Variants in ABCA9 observed in about 807,000 individuals in gnomAD.
ABCA9 encodes ATP-binding cassette sub-family A member 9.
ABCA9 carries 183 observed loss-of-function variants against 205.3 expected under a neutral mutation model. That is an observed-to-expected ratio of 0.89 (90% CI 0.79 to 1.01). The LOEUF (loss-of-function observed/expected upper bound fraction) is 1.01, where lower values mean the gene tolerates loss of function less well. Ranked by LOEUF, ABCA9 falls within the 50% of genes least tolerant of loss-of-function variation. ABCA9 has a pLI of 0.00. For synonymous variants in ABCA9, 651 were observed against 683.3 expected, an observed-to-expected ratio of 0.95 and a Z score of 0.74; for missense variants, 1,805 against 1,912.4, an observed-to-expected ratio of 0.94 and a Z score of 1.05.
rs572581251 is a variant in ABCA9, at chr17:68,984,164, C to G, written c.4391G>C (p.Arg1464Pro). 6.2e-7 allele frequency: 1 copy of G among 1,613,978 alleles called. No homozygotes were observed. Among genetic ancestry groups the G allele is most frequent in the Non-Finnish European group, 8.5e-7 (1 of 1,179,960 alleles). Residue 1464 changes from arginine (R) to proline (P), a missense_variant, in exon 35 of 39, where the codon CGG becomes CCG. Transcript: ENST00000340001. ...EGQQQMWQVI[R>P]ATFRNTERGA... ...CCTCTCCGTGTTTCTAAAGGTGGCCCGAATCACCTGCCTAAAGTTAAGTCA... is the reference window on the plus strand; with the variant it reads ...CCTCTCCGTGTTTCTAAAGGTGGCCGGAATCACCTGCCTAAAGTTAAGTCA...
At chr17:68,999,773 T>G (rs1193098711) in intron 25 of ABCA9, among the ~76,000 whole-genome samples, 1 of 152,104 alleles carries the variant, frequency 6.6e-6, no homozygotes, top group African/African-American at 2.4e-5. Context: ...TTTCTCCACA[T>G]CCTCTCCAGC....
rs1212072939 is a variant in ABCA9, at chr17:69,032,154, A to C, written c.1399T>G (p.Cys467Gly). 1 of 1,613,676 alleles carries C rather than the reference A, an allele frequency of 6.2e-7. No individual in the cohort carries two copies. Among genetic ancestry groups the C allele is most frequent in the African/African-American group, 1.3e-5 (1 of 74,928 alleles). Residue 467 changes from cysteine (C) to glycine (G), a missense_variant, in exon 10 of 39, where the codon TGT (cysteine) becomes GGT (glycine). Physicochemically the swap from Cys to Gly is radical, Grantham distance 159 (BLOSUM62 -3). Transcript: ENST00000340001. Reference protein sequence around the residue: ...ETDSDPTPNDCFEPVSPEFCG... With the variant: ...ETDSDPTPNDGFEPVSPEFCG... ...AATTCTGGAGACACTGGTTCAAAACAGTCATTAGGTGTAGGATCAGAATCT... is the reference window on the plus strand; with the variant it reads ...AATTCTGGAGACACTGGTTCAAAACCGTCATTAGGTGTAGGATCAGAATCT...
At chr17:68,986,917 A>T (rs1222253162) in intron 31 of ABCA9, among the ~76,000 whole-genome samples, 1 of 152,170 alleles carries the variant, frequency 6.6e-6, no homozygotes, top group Non-Finnish European at 1.5e-5. Flanking sequence ...AGGTTGAGAA[A>T]TTCTGAACTA....
At chr17:69,022,514 G>GTGTA (rs988005710) in intron 17 of ABCA9, 2 of 150,598 alleles carry the variant, frequency 1.3e-5, no homozygotes, top group African/African-American at 5.0e-5. Context: ...GTGTGTGTGT[G>GTGTA]TGTGTATGTG....
chr17:69,065,181 C>T (rs1189096523), upstream of ABCA9, among the ~76,000 whole-genome samples: 1 of 152,198 alleles, frequency 6.6e-6, no homozygotes, highest in Non-Finnish European at 1.5e-5. Flanking sequence ...TTTGTGTTCA[C>T]TTGCAATCAA....
intron 23 of ABCA9, 99 bp downstream of exon 23, chr17:69,011,877 A>G (rs2070387804): frequency 1.5e-6 from 1 of 671,958 alleles, no homozygotes; most frequent in South Asian, 3.1e-5. Flanking sequence ...ATCAAGTACA[A>G]AAATTAGATT....
chr17:69,027,148 C>T lies in ABCA9; in HGVS notation c.1912-34G>A, dbSNP rs369296252. ...GAGGAAAGTCCTAAAGTAATTCCACCCTTTCGGATAAGATCCTTTTAAAAA... is the reference window on the plus strand; with the variant it reads ...GAGGAAAGTCCTAAAGTAATTCCACTCTTTCGGATAAGATCCTTTTAAAAA... On this transcript the variant is annotated intron_variant, in intron 14 of 38. Transcript: ENST00000340001. The T allele has an allele frequency of 6.2e-5, 100 of 1,608,022 alleles. 1 individual carries two copies. In the Middle Eastern group the frequency reaches 3.6e-3, roughly 59 times the overall value.
chr17:69,013,849 G>C (rs990695934), intron 22 of ABCA9, among the ~76,000 whole-genome samples: 2 of 152,134 alleles, frequency 1.3e-5, no homozygotes, highest in African/African-American at 4.8e-5. Flanking sequence ...TTAGGATCAA[G>C]TGGAATAGGC....
intron 15 of ABCA9, 147 bp downstream of exon 15, chr17:69,026,829 C>T: frequency 3.3e-6 from 3 of 911,422 alleles, no homozygotes; most frequent in Admixed American, 5.7e-5. Flanking sequence ...AGTACTCTGG[C>T]ATGCAGACCC....
intron 21 of ABCA9, 103 bp from the exon 22 acceptor site, chr17:69,016,493 G>T: frequency 9.4e-7 from 1 of 1,060,776 alleles, no homozygotes; most frequent in Non-Finnish European, 1.3e-6. Flanking sequence ...AATATAATAA[G>T]TCCCAAGCAC....
the ABCA9 span, among the ~76,000 whole-genome samples, chr17:69,068,590 A>C: frequency 6.6e-6 from 1 of 152,222 alleles, no homozygotes; most frequent in Non-Finnish European, 1.5e-5. Context: ...TGGTTTGGCA[A>C]AGGCTGATTG....
chr17:69,036,727 C>T (rs1255807344), intron 6 of ABCA9, among the ~76,000 whole-genome samples: 2 of 151,634 alleles, frequency 1.3e-5, no homozygotes, highest in Non-Finnish European at 1.5e-5. Flanking sequence ...TTAAAAGACA[C>T]AGATGCCAGT....
chr17:69,005,051 C>T (rs993706431), intron 25 of ABCA9, among the ~76,000 whole-genome samples: 1 of 152,180 alleles, frequency 6.6e-6, no homozygotes. Flanking sequence ...AACCCGCTAC[C>T]TCAGATGGAA....
intron 3 of ABCA9, among the ~76,000 whole-genome samples, chr17:69,048,425 T>TC (rs2071790886): frequency 7.7e-6 from 1 of 129,834 alleles, no homozygotes; most frequent in Admixed American, 7.9e-5. Context: ...AAGCATGGAC[T>TC]TACGCCACAT....
At chr17:69,076,771 C>A in the ABCA9 span, among the ~76,000 whole-genome samples, 1 of 152,092 alleles carries the variant, frequency 6.6e-6, no homozygotes, top group African/African-American at 2.4e-5. Flanking sequence ...TTATCCATTT[C>A]TTCTAGATTT....
chr17:68,983,090 G>A (rs2069115578), intron 36 of ABCA9, among the ~76,000 whole-genome samples: 1 of 152,182 alleles, frequency 6.6e-6, no homozygotes, highest in African/African-American at 2.4e-5. Flanking sequence ...GTGTTAGAGA[G>A]ACACTCATAA....
chr17:69,029,351 A>C (rs1452520218), intron 10 of ABCA9, 124 bp from the exon 11 acceptor site: 2 of 576,422 alleles, frequency 3.5e-6, no homozygotes, highest in Non-Finnish European at 5.9e-6. Flanking sequence ...GTAAAGCCTC[A>C]AAGAAAATCT....
Position 68,975,589 on chromosome 17 carries a change from C to A in ABCA9, c.*326G>T. On this transcript the variant is annotated 3_prime_UTR_variant, in exon 39 of 39. Coordinates refer to ENST00000340001, the MANE Select transcript of ABCA9 (RefSeq NM_080283.4). ...AGAAAATATTTAATATTTTGAAGTTCAGAGAAAGAAAATTAAGCATTCTCC... is the reference window on the plus strand; with the variant it reads ...AGAAAATATTTAATATTTTGAAGTTAAGAGAAAGAAAATTAAGCATTCTCC... 5.5e-6 allele frequency: 1 copy of A among 181,830 alleles called. No homozygotes were observed. The highest frequency in any genetic ancestry group is 5.8e-5 in the Admixed American group (1 of 17,348). The allele number at this position is 181,830 out of a possible 1,614,324, so 11.3% of individuals were successfully genotyped here.
chr17:69,020,076 A>T, intron 19 of ABCA9: 1 of 225,066 alleles, frequency 4.4e-6, no homozygotes, highest in South Asian at 8.8e-5. Flanking sequence ...ATACCTTGGG[A>T]AAAGAGGAAA....
Sources: gnomAD v4.1 joint callset for allele counts (sites outside exome capture counted in the v4.1 genomes callset) on GRCh38, gnomAD v4.1.1 for gene constraint, MANE v1.5 for transcripts, NCBI Gene and HGNC (gene_info 2026-07-23, HGNC 2026-07-21) for gene names.